The following DLG2 variants were observed in gnomAD, a reference collection of about 807,000 sequenced individuals.
DLG2 encodes the protein disks large homolog 2.
In DLG2, 45 loss-of-function variants were observed where a neutral mutation model predicts 132.5. The observed-to-expected ratio is 0.34, with a 90% CI of 0.27 to 0.44. DLG2 has a LOEUF of 0.44. Ranked by LOEUF, DLG2 falls within the 20% of genes least tolerant of loss-of-function variation. DLG2 has a pLI of 1.00. For synonymous variants in DLG2, 424 were observed against 419.6 expected (o/e 1.01, Z -0.13); for missense variants, 1,045 against 1,196.9 (o/e 0.87, Z 1.87).
intron 6 of DLG2, among the ~76,000 whole-genome samples, chr11:84,951,989 A>G (rs934581503): frequency 2.6e-5 from 4 of 152,202 alleles, no homozygotes; most frequent in African/African-American, 9.6e-5. Context: ...TAGAAACTGC[A>G]TAATTATAAA....
intron 3 of DLG2, among the ~76,000 whole-genome samples, chr11:85,505,135 T>A (rs1381683517): frequency 6.6e-6 from 1 of 152,134 alleles, no homozygotes; most frequent in Admixed American, 6.6e-5. Flanking sequence ...GACAATGGGG[T>A]TTTCTAAATA....
At chr11:84,043,266 T>C (rs1320065879) in intron 11 of DLG2, among the ~76,000 whole-genome samples, 1 of 145,458 alleles carries the variant, frequency 6.9e-6, no homozygotes, top group Non-Finnish European at 1.6e-5. Flanking sequence ...TTTATCATCA[T>C]AAATATATTT....
intron 8 of DLG2, among the ~76,000 whole-genome samples, chr11:84,245,493 TTC>T (rs903877000): frequency 6.6e-6 from 1 of 152,210 alleles, no homozygotes; most frequent in Non-Finnish European, 1.5e-5. Context: ...TCTTCTACTT[TTC>T]TCTCTCCCTT....
intron 6 of DLG2, among the ~76,000 whole-genome samples, chr11:85,106,408 G>A (rs2071763794): frequency 6.6e-6 from 1 of 151,912 alleles, no homozygotes; most frequent in African/African-American, 2.4e-5. Flanking sequence ...AGAACTGCAA[G>A]ATTCTGCTTT....
intron 18 of DLG2, among the ~76,000 whole-genome samples, chr11:83,748,261 TCTAA>T (rs925962631): frequency 6.6e-6 from 1 of 152,226 alleles, no homozygotes; most frequent in Non-Finnish European, 1.5e-5. Flanking sequence ...TTACTACAGT[TCTAA>T]CTATCAACCA....
intron 7 of DLG2, among the ~76,000 whole-genome samples, chr11:84,416,138 A>G (rs1441220106): frequency 6.6e-6 from 1 of 152,162 alleles, no homozygotes; most frequent in Non-Finnish European, 1.5e-5. Flanking sequence ...TGATACCAAT[A>G]TCCTTTCATG....
Position 85,154,391 on chromosome 11 carries a change from T to C in DLG2, c.282+165A>G, listed in dbSNP as rs80074059. 7.1e-3 allele frequency among the ~76,000 whole-genome samples: 1,085 copies of C among 152,314 alleles called. 13 individuals carry two copies. Among genetic ancestry groups the C allele is most frequent in the African/African-American group, 0.024 (1,001 of 41,576 alleles). ...ACTACTCAACGTGATACACATTCAG[T>C]GTCAGCTCAGAAGCCTGAGAACCCA... On this transcript the variant is annotated intron_variant, in intron 5 of 27. Transcript: ENST00000376104.
intron 6 of DLG2, among the ~76,000 whole-genome samples, chr11:85,022,694 C>A (rs1326437134): frequency 6.6e-6 from 1 of 152,054 alleles, no homozygotes; most frequent in Non-Finnish European, 1.5e-5. Context: ...TGTTGTAATT[C>A]TCTTTTCTTC....
chr11:84,217,475 C>G (rs1271933327), intron 8 of DLG2, among the ~76,000 whole-genome samples: 2 of 152,282 alleles, frequency 1.3e-5, no homozygotes, highest in Admixed American at 1.3e-4. Flanking sequence ...TGAGGCCTCC[C>G]CAGCCACATG....
At chr11:84,427,221 A>G (rs905045406) in intron 7 of DLG2, among the ~76,000 whole-genome samples, 42 of 152,092 alleles carry the variant, frequency 2.8e-4, no homozygotes, top group African/African-American at 1.0e-3. Context: ...GTAGGAAGAA[A>G]GGAAAAAGGG....
chr11:84,450,986 A>C (rs910402098), intron 7 of DLG2, among the ~76,000 whole-genome samples: 1 of 151,884 alleles, frequency 6.6e-6, no homozygotes, highest in Non-Finnish European at 1.5e-5. Flanking sequence ...CACGCAATAT[A>C]CCCATGTAAC....
intron 6 of DLG2, chr11:85,021,404 G>A: frequency 7.3e-7 from 1 of 1,375,602 alleles, no homozygotes; most frequent in South Asian, 1.2e-5. Context: ...ACTGGAGCCA[G>A]GTTAATATCT....
intron 10 of DLG2, among the ~76,000 whole-genome samples, chr11:84,094,080 C>T (rs1435167405): frequency 3.3e-5 from 5 of 151,720 alleles, no homozygotes; most frequent in Admixed American, 6.6e-5. Context: ...TTTTAAGCGT[C>T]GTTGTTGTTT....
chr11:84,075,671 T>C (rs558152700), intron 10 of DLG2, among the ~76,000 whole-genome samples: 1 of 152,288 alleles, frequency 6.6e-6, no homozygotes, highest in Admixed American at 6.5e-5. Flanking sequence ...GAGGTGCTAA[T>C]TTTCTAGGGT....
intron 7 of DLG2, among the ~76,000 whole-genome samples, chr11:84,444,946 G>A (rs1330297510): frequency 6.6e-6 from 1 of 152,012 alleles, no homozygotes; most frequent in Non-Finnish European, 1.5e-5. Context: ...GGGATTACAG[G>A]CACGTGCCAC....
intron 6 of DLG2, among the ~76,000 whole-genome samples, chr11:85,044,305 C>T (rs1355284252): frequency 1.3e-5 from 2 of 151,984 alleles, no homozygotes; most frequent in Non-Finnish European, 2.9e-5. Context: ...TATACTATCA[C>T]TGCCTAGAGG....
intron 7 of DLG2, among the ~76,000 whole-genome samples, chr11:84,364,659 C>G (rs61897667): frequency 0.06 from 9,146 of 151,766 alleles, 284 homozygotes; most frequent in Non-Finnish European, 0.075. Flanking sequence ...GTCATAGATA[C>G]CTCTTATTAT....
intron 3 of DLG2, among the ~76,000 whole-genome samples, chr11:85,298,647 G>A (rs1276758953): frequency 1.3e-5 from 2 of 152,112 alleles, no homozygotes; most frequent in Admixed American, 6.6e-5. Context: ...TGGGACATCT[G>A]TTAATTTCCC....
At chr11:84,983,831 C>T (rs952431543) in intron 6 of DLG2, among the ~76,000 whole-genome samples, 6 of 152,110 alleles carry the variant, frequency 3.9e-5, no homozygotes, top group African/African-American at 1.4e-4. Context: ...ATAATGGATG[C>T]ATTTATAGAA....
Sources: gnomAD v4.1 joint callset for allele counts (sites outside exome capture counted in the v4.1 genomes callset) on GRCh38, gnomAD v4.1.1 for gene constraint, MANE v1.5 for transcripts, NCBI Gene and HGNC (gene_info 2026-07-23, HGNC 2026-07-21) for gene names.